PTPRD: variants seen among roughly 807,000 people sequenced by gnomAD.
PTPRD encodes receptor-type tyrosine-protein phosphatase delta.
PTPRD carries 34 observed loss-of-function variants against 214.5 expected under a neutral mutation model. That is an observed-to-expected ratio of 0.16 (90% CI 0.12 to 0.21). The LOEUF (loss-of-function observed/expected upper bound fraction) is 0.21. Among genes scored for constraint, PTPRD ranks in the 10% least tolerant of loss-of-function variants. The pLI is 1.00. For missense variants in PTPRD, 2,545 were observed against 2,398.7 expected, an observed-to-expected ratio of 1.06 and a Z score of -1.27; for synonymous variants, 1,128 against 845.7, an observed-to-expected ratio of 1.33 and a Z score of -5.79.
intron 12 of PTPRD, among the ~76,000 whole-genome samples, chr9:8,698,081 T>C (rs1189857835): frequency 6.6e-6 from 1 of 152,176 alleles, no homozygotes; most frequent in Admixed American, 6.5e-5. Context: ...CTTTATTTTA[T>C]ACAAACATAA....
intron 3 of PTPRD, among the ~76,000 whole-genome samples, chr9:10,152,904 A>T (rs1394287296): frequency 6.6e-6 from 1 of 152,082 alleles, no homozygotes; most frequent in Non-Finnish European, 1.5e-5. Context: ...TTACTAAGTG[A>T]TATATGCCAG....
intron 10 of PTPRD, among the ~76,000 whole-genome samples, chr9:9,093,235 T>C (rs2099778803): frequency 6.6e-6 from 1 of 152,060 alleles, no homozygotes; most frequent in Non-Finnish European, 1.5e-5. Context: ...TAATTATAGT[T>C]AGAGGCTTCA....
chr9:8,995,037 G>C (rs2099391233), intron 11 of PTPRD, among the ~76,000 whole-genome samples: 1 of 151,984 alleles, frequency 6.6e-6, no homozygotes, highest in Non-Finnish European at 1.5e-5. Flanking sequence ...AGGAAACATA[G>C]GAGACATGGG....
intron 33 of PTPRD, among the ~76,000 whole-genome samples, chr9:8,456,391 T>C (rs2096203656): frequency 6.6e-6 from 1 of 151,968 alleles, no homozygotes; most frequent in African/African-American, 2.4e-5. Flanking sequence ...ATTTAGTAGG[T>C]AGCATCCTAG....
intron 3 of PTPRD, among the ~76,000 whole-genome samples, chr9:10,339,551 A>T (rs1016970948): frequency 2.0e-5 from 3 of 151,712 alleles, no homozygotes; most frequent in Non-Finnish European, 4.4e-5. Context: ...CCCTTACTTG[A>T]CAGGGATTTT....
At chr9:10,191,713 C>G (rs1458751045) in intron 3 of PTPRD, among the ~76,000 whole-genome samples, 1 of 152,108 alleles carries the variant, frequency 6.6e-6, no homozygotes, top group East Asian at 1.9e-4. Context: ...GATAATCTTT[C>G]TATGATTTCC....
At chr9:9,171,501 G>T (rs1019639739) in intron 10 of PTPRD, among the ~76,000 whole-genome samples, 21 of 151,736 alleles carry the variant, frequency 1.4e-4, no homozygotes, top group African/African-American at 4.8e-4. Flanking sequence ...GATTGAAGGG[G>T]TCTTAAATTT....
intron 11 of PTPRD, among the ~76,000 whole-genome samples, chr9:8,761,969 G>C (rs2094442072): frequency 6.6e-6 from 1 of 152,066 alleles, no homozygotes; most frequent in Non-Finnish European, 1.5e-5. Context: ...GAATCACAGA[G>C]GGTCAAATAA....
chr9:8,314,500 C>T lies in PTPRD; in HGVS notation c.*3374G>A. On this transcript the variant is annotated 3_prime_UTR_variant, in exon 46 of 46. Coordinates refer to ENST00000381196, the MANE Select transcript of PTPRD (RefSeq NM_002839.4). The stretch of plus-strand genomic sequence containing the variant: ...TCCAAAACGAGAGCAAAGAACACAA[C>T]TGTTATTATCTTTGTAAAGACACTC... The T allele has an allele frequency of 4.3e-6, 1 of 231,910 alleles. No individual in the cohort carries two copies. Among genetic ancestry groups the T allele is most frequent in the Non-Finnish European group, 8.6e-6 (1 of 116,930 alleles). 14.4% of individuals were successfully genotyped at this position (231,910 alleles called of 1,614,324 possible).
chr9:9,894,074 C>T (rs2074233650), intron 5 of PTPRD, among the ~76,000 whole-genome samples: 1 of 151,986 alleles, frequency 6.6e-6, no homozygotes, highest in Non-Finnish European at 1.5e-5. Flanking sequence ...TTTCCTTGGC[C>T]TCCTAACGCT....
At chr9:10,049,259 C>T (rs1248932726) in intron 3 of PTPRD, among the ~76,000 whole-genome samples, 2 of 151,998 alleles carry the variant, frequency 1.3e-5, no homozygotes, top group Non-Finnish European at 1.5e-5. Flanking sequence ...CCAGGACAGA[C>T]ATTTAACATA....
At chr9:8,638,457 T>C (rs2096495982) in intron 12 of PTPRD, among the ~76,000 whole-genome samples, 1 of 152,210 alleles carries the variant, frequency 6.6e-6, no homozygotes, top group African/African-American at 2.4e-5. Context: ...TCATGTAACT[T>C]TACCATTTCT....
intron 4 of PTPRD, among the ~76,000 whole-genome samples, chr9:9,953,513 C>T (rs1752688778): frequency 6.6e-6 from 1 of 152,038 alleles, no homozygotes; most frequent in Admixed American, 6.6e-5. Flanking sequence ...CACACACACA[C>T]ACACACACAC....
chr9:10,555,693 T>C (rs1279749723), intron 2 of PTPRD, among the ~76,000 whole-genome samples: 1 of 152,020 alleles, frequency 6.6e-6, no homozygotes, highest in Non-Finnish European at 1.5e-5. Context: ...TGCCCTGAAA[T>C]TTGGAATACT....
chr9:9,676,248 G>C lies in PTPRD; in HGVS notation c.-287+58285C>G, dbSNP rs943032464. Among the ~76,000 whole-genome samples the C allele has an allele frequency of 4.7e-4, 72 of 151,626 alleles. 3 individuals carry two copies. The highest frequency in any genetic ancestry group is 1.8e-4 in the Non-Finnish European group (12 of 67,902). On this transcript the variant is annotated intron_variant, in intron 7 of 45. Coordinates refer to ENST00000381196, the MANE Select transcript of PTPRD (RefSeq NM_002839.4). ...CCAGTAACTCGTCATTTAACGTTAG[G>C]TGTATCTCCTAATGCTATCCCTCCA... is the stretch of plus-strand genomic sequence containing the variant.
intron 3 of PTPRD, among the ~76,000 whole-genome samples, chr9:10,337,828 A>C (rs1475723012): frequency 6.6e-6 from 1 of 151,738 alleles, no homozygotes; most frequent in African/African-American, 2.4e-5. Context: ...CAAATGGTGG[A>C]ACCCACAATT....
chr9:10,126,491 T>A (rs2098820997), intron 3 of PTPRD, among the ~76,000 whole-genome samples: 1 of 151,498 alleles, frequency 6.6e-6, no homozygotes, highest in Admixed American at 6.6e-5. Flanking sequence ...AAAACTCTCC[T>A]GGCCACCTAA....
intron 5 of PTPRD, among the ~76,000 whole-genome samples, chr9:9,890,595 C>G (rs2072946885): frequency 6.6e-6 from 1 of 152,008 alleles, no homozygotes; most frequent in Admixed American, 6.6e-5. Flanking sequence ...AATTATTTTA[C>G]AGTATCATCA....
At chr9:9,680,022 A>T (rs1004180298) in intron 7 of PTPRD, among the ~76,000 whole-genome samples, 4 of 151,796 alleles carry the variant, frequency 2.6e-5, no homozygotes, top group African/African-American at 4.8e-5. Flanking sequence ...ACAATATTTT[A>T]AAAATAATAT....
Sources: gnomAD v4.1 joint callset for allele counts (sites outside exome capture counted in the v4.1 genomes callset) on GRCh38, gnomAD v4.1.1 for gene constraint, MANE v1.5 for transcripts, NCBI Gene and HGNC (gene_info 2026-07-23, HGNC 2026-07-21) for gene names.